KATNAL1: variants seen among roughly 807,000 people sequenced by gnomAD.
The protein encoded by KATNAL1 is katanin catalytic subunit A1 like 1.
A neutral mutation model predicts 55.2 loss-of-function variants in KATNAL1; 32 were observed. The ratio of observed to expected loss-of-function variants is 0.58; its 90% CI spans 0.44 to 0.78. The LOEUF (loss-of-function observed/expected upper bound fraction) is 0.78, where lower values mean the gene tolerates loss of function less well. Among genes scored for constraint, KATNAL1 ranks in the 30% least tolerant of loss-of-function variants. The pLI is 0.00. For synonymous variants in KATNAL1, 193 were observed against 193.6 expected, an observed-to-expected ratio of 1.00 and a Z score of 0.02; for missense variants, 466 against 600.9, an observed-to-expected ratio of 0.78 and a Z score of 2.35.
At chr13:30,289,712 C>T (rs889110288) in intron 1 of KATNAL1, among the ~76,000 whole-genome samples, 2 of 152,056 alleles carry the variant, frequency 1.3e-5, no homozygotes, top group Non-Finnish European at 2.9e-5. Flanking sequence ...CTATTTTTTT[C>T]ATCTTTTCTT....
intron 3 of KATNAL1, among the ~76,000 whole-genome samples, chr13:30,268,134 G>GAAAGTGGGCCTA (rs369392300): frequency 0.01 from 1,527 of 152,278 alleles, 24 homozygotes; most frequent in African/African-American, 0.034. Flanking sequence ...CTTAAGCAGA[G>GAAAGTGGGCCTA]AAAGTGGGCC....
At chr13:30,293,145 T>C (rs1339233597) in intron 1 of KATNAL1, among the ~76,000 whole-genome samples, 7 of 152,178 alleles carry the variant, frequency 4.6e-5, no homozygotes, top group Admixed American at 3.3e-4. Context: ...CCATTTTTTT[T>C]CTGCTGTGAA....
At chr13:30,245,975 C>G (rs11618584) in intron 4 of KATNAL1, among the ~76,000 whole-genome samples, 135 of 152,108 alleles carry the variant, frequency 8.9e-4, no homozygotes, top group Non-Finnish European at 1.6e-3. Flanking sequence ...TACTGCCCAA[C>G]GTAATTTACA....
At chr13:30,291,586 A>G (rs1882135806) in intron 1 of KATNAL1, among the ~76,000 whole-genome samples, 1 of 152,244 alleles carries the variant, frequency 6.6e-6, no homozygotes, top group Admixed American at 6.5e-5. Context: ...TTACATGGAA[A>G]TGAAAGAACA....
intron 4 of KATNAL1, among the ~76,000 whole-genome samples, chr13:30,243,969 T>C (rs1183609793): frequency 6.6e-6 from 1 of 152,142 alleles, no homozygotes; most frequent in African/African-American, 2.4e-5. Context: ...CTAGGATACA[T>C]GTGCAGAACG....
chr13:30,244,453 G>A (rs935578425), intron 4 of KATNAL1, among the ~76,000 whole-genome samples: 5 of 152,166 alleles, frequency 3.3e-5, no homozygotes, highest in African/African-American at 1.2e-4. Flanking sequence ...TAATGGGATT[G>A]CTGGATCAAA....
In KATNAL1 at chr13:30,208,699, G is replaced by A; in HGVS notation, c.1314C>T (p.Gly438=). The A allele has an allele frequency of 6.2e-7, 1 of 1,613,466 alleles. No individual in the cohort carries two copies. The highest frequency in any genetic ancestry group is 1.1e-5 in the South Asian group (1 of 90,890). ...GTGCACGGATTTCTTCTGGACTTAA[G>A]CCATTGATACGCCGTCTCATTGCCA... ...SLMAMRRRIN[G]LSPEEIRALS... Residue 438 remains glycine (G), a synonymous_variant, in exon 11 of 11, where the codon GGC becomes GGT. Coordinates refer to ENST00000380615, the MANE Select transcript of KATNAL1 (RefSeq NM_032116.5).
At chr13:30,262,867 T>G (rs562326741) in intron 3 of KATNAL1, among the ~76,000 whole-genome samples, 821 of 152,198 alleles carry the variant, frequency 5.4e-3, no homozygotes, top group Non-Finnish European at 9.6e-3. Flanking sequence ...TAACTCATTT[T>G]ATGAGGCCAG....
chr13:30,223,523 A>G (rs1467591867), intron 9 of KATNAL1, among the ~76,000 whole-genome samples: 1 of 151,896 alleles, frequency 6.6e-6, no homozygotes, highest in Non-Finnish European at 1.5e-5. Context: ...AAAAGCAGAT[A>G]TAGCACAACA....
intron 3 of KATNAL1, among the ~76,000 whole-genome samples, chr13:30,256,964 C>G (rs1307714483): frequency 6.6e-6 from 1 of 152,138 alleles, no homozygotes; most frequent in African/African-American, 2.4e-5. Context: ...TGAAAGAAAT[C>G]CTCAGGAAAG....
At chr13:30,294,464 T>G (rs1410695983) in intron 1 of KATNAL1, among the ~76,000 whole-genome samples, 1 of 152,176 alleles carries the variant, frequency 6.6e-6, no homozygotes, top group African/African-American at 2.4e-5. Flanking sequence ...CTAATTGTCT[T>G]CAATTCTATG....
At chr13:30,253,307 T>C (rs548183759) in intron 4 of KATNAL1, among the ~76,000 whole-genome samples, 26 of 152,204 alleles carry the variant, frequency 1.7e-4, no homozygotes, top group Non-Finnish European at 1.9e-4. Context: ...TCCAAACAAC[T>C]GCGGAGTTCT....
At chr13:30,217,490 AAAGATTTAAC>A in intron 9 of KATNAL1, among the ~76,000 whole-genome samples, 1 of 152,238 alleles carries the variant, frequency 6.6e-6, no homozygotes. Flanking sequence ...AAGCTTGTGA[AAAGATTTAAC>A]AAGGGATTAA....
intron 2 of KATNAL1, among the ~76,000 whole-genome samples, chr13:30,283,024 C>T (rs9551885): frequency 0.16 from 24,608 of 149,676 alleles, 2,530 homozygotes; most frequent in East Asian, 0.3. Context: ...AATCCCAGCA[C>T]TTTGGGAGGC....
At chr13:30,274,893 GCGCGCGCGCGCGCGCACA>G (rs1566122304) in intron 3 of KATNAL1, among the ~76,000 whole-genome samples, 1,518 of 100,732 alleles carry the variant, frequency 0.015, 8 homozygotes, top group Middle Eastern at 0.025. Context: ...ACACACATAC[GCGCGCGCGCGCGCGCACA>G]CACACACACA....
At chr13:30,224,841 T>C (rs1246714503) in intron 9 of KATNAL1, among the ~76,000 whole-genome samples, 1 of 152,210 alleles carries the variant, frequency 6.6e-6, no homozygotes, top group African/African-American at 2.4e-5. Flanking sequence ...GGTGTGTAGA[T>C]TTGTATTATG....
chr13:30,288,778 C>A (rs1014949804), intron 1 of KATNAL1, among the ~76,000 whole-genome samples: 8 of 152,192 alleles, frequency 5.3e-5, no homozygotes, highest in African/African-American at 1.9e-4. Context: ...ATTAAACCAT[C>A]AAATTGCTGT....
chr13:30,244,894 G>C (rs1360395356), intron 4 of KATNAL1, among the ~76,000 whole-genome samples: 2 of 152,014 alleles, frequency 1.3e-5, no homozygotes, highest in Non-Finnish European at 2.9e-5. Flanking sequence ...TTCTGAAATT[G>C]AGACAGTAAT....
At chr13:30,231,499 G>T in intron 6 of KATNAL1, 27 bp from the exon 7 acceptor site, 4 of 1,423,436 alleles carry the variant, frequency 2.8e-6, no homozygotes, top group South Asian at 3.4e-5. Flanking sequence ...CAAATTAAAT[G>T]ATTTATCAGA....
Sources: gnomAD v4.1 joint callset for allele counts (sites outside exome capture counted in the v4.1 genomes callset) on GRCh38, gnomAD v4.1.1 for gene constraint, MANE v1.5 for transcripts, NCBI Gene and HGNC (gene_info 2026-07-23, HGNC 2026-07-21) for gene names.